The following ADGRB3 variants were observed in gnomAD, a reference collection of about 807,000 sequenced individuals.
The protein encoded by ADGRB3 is brain-specific angiogenesis inhibitor 3.
Under a neutral mutation model 193.4 loss-of-function variants are expected in ADGRB3, and 37 were observed. That is an observed-to-expected ratio of 0.19 (90% CI 0.15 to 0.25). ADGRB3 has a LOEUF of 0.25. Among genes scored for constraint, ADGRB3 ranks in the 10% least tolerant of loss-of-function variants. The pLI, the probability that ADGRB3 is intolerant of heterozygous loss-of-function variation, is 1.00. For missense variants in ADGRB3, 1,637 were observed against 1,852.9 expected (o/e 0.88, Z 2.14); for synonymous variants, 690 against 644.2 (o/e 1.07, Z -1.08).
intron 17 of ADGRB3, among the ~76,000 whole-genome samples, chr6:69,103,241 C>A (rs183976858): frequency 2.0e-5 from 3 of 152,244 alleles, no homozygotes; most frequent in Admixed American, 1.3e-4. Context: ...TACTGAAATT[C>A]TGTTTAGTTC....
At chr6:69,380,876 T>C (rs2127345015) in intron 30 of ADGRB3, among the ~76,000 whole-genome samples, 1 of 152,048 alleles carries the variant, frequency 6.6e-6, no homozygotes, top group South Asian at 2.1e-4. Flanking sequence ...TGTAAGCATG[T>C]ATTAAATGAT....
intron 20 of ADGRB3, among the ~76,000 whole-genome samples, chr6:69,257,369 C>T (rs1226043164): frequency 6.6e-6 from 1 of 152,098 alleles, no homozygotes; most frequent in East Asian, 1.9e-4. Flanking sequence ...TGATTATTGC[C>T]ACAATTTCAG....
intron 17 of ADGRB3, among the ~76,000 whole-genome samples, chr6:69,178,667 CTTGT>C (rs1430878817): frequency 0.024 from 3,729 of 152,250 alleles, 141 homozygotes; most frequent in African/African-American, 0.085. Context: ...TCCCTTAGCA[CTTGT>C]TTGCCTCAAA....
At chr6:68,710,386 T>C (rs1244231106) in intron 3 of ADGRB3, among the ~76,000 whole-genome samples, 1 of 152,124 alleles carries the variant, frequency 6.6e-6, no homozygotes, top group African/African-American at 2.4e-5. Flanking sequence ...GTTCTCACTC[T>C]TCTGCTCCTG....
At chr6:68,902,662 A>G (rs942299732) in intron 3 of ADGRB3, among the ~76,000 whole-genome samples, 14 of 152,058 alleles carry the variant, frequency 9.2e-5, no homozygotes, top group Admixed American at 9.2e-4. Context: ...CCTTATAGGG[A>G]CTATAACTAG....
rs182695168 is a variant in ADGRB3 at position 69,362,148 on chromosome 6, A to C, written c.4239+636A>C. ...GGAAGAATGTAATCTGAGCATACTA[A>C]CAGGATTCTGAGGTCCAACCACATG... On this transcript the variant is annotated intron_variant, in intron 29 of 31. Transcript: ENST00000370598. 5.3e-5 allele frequency among the ~76,000 whole-genome samples: 8 copies of C among 152,032 alleles called. No homozygotes were observed. The East Asian group carries it at 1.5e-3, about 29-fold the overall frequency.
chr6:68,643,317 T>G (rs1273497993), intron 3 of ADGRB3, among the ~76,000 whole-genome samples: 1 of 152,148 alleles, frequency 6.6e-6, no homozygotes, highest in African/African-American at 2.4e-5. Flanking sequence ...ATATTTGCAA[T>G]CTAATGTGAT....
intron 17 of ADGRB3, among the ~76,000 whole-genome samples, chr6:69,224,927 T>G (rs932451550): frequency 2.0e-5 from 3 of 152,078 alleles, no homozygotes; most frequent in African/African-American, 7.2e-5. Context: ...AGAAGATACT[T>G]TCTGTCTTTC....
chr6:69,204,243 C>A (rs890446477), intron 17 of ADGRB3, among the ~76,000 whole-genome samples: 17 of 152,070 alleles, frequency 1.1e-4, no homozygotes, highest in Admixed American at 1.0e-3. Context: ...TTCCATGAAG[C>A]AAAGTGTTTC....
At chr6:68,704,366 A>G (rs1294596730) in intron 3 of ADGRB3, among the ~76,000 whole-genome samples, 1 of 152,208 alleles carries the variant, frequency 6.6e-6, no homozygotes, top group Non-Finnish European at 1.5e-5. Flanking sequence ...TTAAAAGTTA[A>G]GAAGAGAACA....
intron 3 of ADGRB3, among the ~76,000 whole-genome samples, chr6:68,820,462 C>T (rs1193005460): frequency 6.6e-6 from 1 of 151,942 alleles, no homozygotes; most frequent in African/African-American, 2.4e-5. Flanking sequence ...AGATATCCAT[C>T]ACCTCAAGCA....
chr6:68,984,931 G>C (rs1769028155), intron 10 of ADGRB3, among the ~76,000 whole-genome samples: 1 of 151,910 alleles, frequency 6.6e-6, no homozygotes, highest in Admixed American at 6.6e-5. Flanking sequence ...TATGAGGCAG[G>C]ATCATTAGCT....
chr6:69,097,537 A>G (rs1328422517), intron 17 of ADGRB3, among the ~76,000 whole-genome samples: 1 of 152,206 alleles, frequency 6.6e-6, no homozygotes, highest in Non-Finnish European at 1.5e-5. Context: ...CTACTTTTCT[A>G]TATGGTAGTA....
At chr6:68,755,410 A>T (rs1349983910) in intron 3 of ADGRB3, among the ~76,000 whole-genome samples, 1 of 152,102 alleles carries the variant, frequency 6.6e-6, no homozygotes, top group Non-Finnish European at 1.5e-5. Context: ...ATTAGAGAGA[A>T]GGATAAGAGC....
intron 3 of ADGRB3, among the ~76,000 whole-genome samples, chr6:68,651,262 A>G (rs1179507425): frequency 6.6e-6 from 1 of 152,172 alleles, no homozygotes; most frequent in African/African-American, 2.4e-5. Context: ...TGCAATGGCC[A>G]TTTTATTTTT....
chr6:68,849,095 G>A (rs35756901), intron 3 of ADGRB3, among the ~76,000 whole-genome samples: 6,648 of 152,008 alleles, frequency 0.044, 185 homozygotes, highest in Middle Eastern at 0.088. Flanking sequence ...TGTTTATTCG[G>A]AAGGTTTTGA....
At chr6:69,086,405 G>T (rs1020201338) in intron 17 of ADGRB3, among the ~76,000 whole-genome samples, 1 of 152,086 alleles carries the variant, frequency 6.6e-6, no homozygotes, top group Non-Finnish European at 1.5e-5. Flanking sequence ...AAATTTCACT[G>T]CCCTGAATTT....
In ADGRB3 at chr6:68,929,246, T is replaced by C. The variant is rs190117432; in HGVS notation, c.758-1313T>C. On this transcript the variant is annotated intron_variant, in intron 3 of 31. Transcript: ENST00000370598. ...ATTACATAGAAGCTATTCTTTTACA[T>C]TTTCTGCCTTGGATATTTTCTCACC... 1.6e-3 allele frequency among the ~76,000 whole-genome samples: 239 copies of C among 152,300 alleles called. 2 individuals carry two copies. Among genetic ancestry groups the C allele is most frequent in the Non-Finnish European group, 2.7e-3 (182 of 68,002 alleles).
At chr6:68,968,321 C>A (rs3798978) in intron 8 of ADGRB3, among the ~76,000 whole-genome samples, 1 of 151,990 alleles carries the variant, frequency 6.6e-6, no homozygotes, top group Non-Finnish European at 1.5e-5. Flanking sequence ...CAGGGAGCAA[C>A]GAAGTACCTT....
Sources: gnomAD v4.1 joint callset for allele counts (sites outside exome capture counted in the v4.1 genomes callset) on GRCh38, gnomAD v4.1.1 for gene constraint, MANE v1.5 for transcripts, NCBI Gene and HGNC (gene_info 2026-07-23, HGNC 2026-07-21) for gene names.